The following PLA2R1 variants were observed in gnomAD, a reference collection of about 807,000 sequenced individuals.
PLA2R1 encodes the protein secretory phospholipase A2 receptor.
PLA2R1 carries 158 observed loss-of-function variants against 195.9 expected under a neutral mutation model. The ratio of observed to expected loss-of-function variants is 0.81; its 90% CI spans 0.71 to 0.92. The LOEUF is 0.92. PLA2R1 is among the 40% of genes least tolerant of loss of function. The pLI is 0.00. For missense variants in PLA2R1, 1,626 were observed against 1,764.6 expected (o/e 0.92, Z 1.41); for synonymous variants, 586 against 598.2 (o/e 0.98, Z 0.30).
At chr2:160,061,603 G>T (rs778017759) in intron 1 of PLA2R1, among the ~76,000 whole-genome samples, 2 of 152,094 alleles carry the variant, frequency 1.3e-5, no homozygotes, top group Middle Eastern at 3.4e-3. Flanking sequence ...GTGAAACTCC[G>T]TCTCCACCAA....
chr2:159,926,063 C>T, the PLA2R1 span, among the ~76,000 whole-genome samples: 8 of 152,238 alleles, frequency 5.3e-5, no homozygotes, highest in South Asian at 1.4e-3. Flanking sequence ...TTTGATCAAA[C>T]GTAAAAAGCT....
intron 11 of PLA2R1, among the ~76,000 whole-genome samples, chr2:159,987,635 G>C (rs953667098): frequency 2.0e-5 from 3 of 152,146 alleles, no homozygotes; most frequent in Non-Finnish European, 4.4e-5. Flanking sequence ...TGAGGAACTA[G>C]GAGCTATTCC....
At chr2:160,037,121 C>T (rs1440199639) in intron 3 of PLA2R1, among the ~76,000 whole-genome samples, 1 of 152,190 alleles carries the variant, frequency 6.6e-6, no homozygotes. Context: ...CCCCTTGCTG[C>T]CACCTAACTG....
chr2:160,009,284 G>A (rs1173300977), intron 10 of PLA2R1, among the ~76,000 whole-genome samples: 1 of 152,206 alleles, frequency 6.6e-6, no homozygotes, highest in East Asian at 1.9e-4. Context: ...AGTCACAATA[G>A]CCAAATGGTG....
chr2:160,042,289 G>C, intron 2 of PLA2R1, 91 bp from the exon 3 acceptor site: 1 of 1,081,606 alleles, frequency 9.2e-7, no homozygotes, highest in Non-Finnish European at 1.4e-6. Flanking sequence ...TTTATGGACT[G>C]AAACCCTCTT....
At chr2:160,041,891 T>C in intron 3 of PLA2R1, 134 bp downstream of exon 3, 1 of 671,724 alleles carries the variant, frequency 1.5e-6, no homozygotes, top group Non-Finnish European at 2.5e-6. Context: ...CAAATCAAAA[T>C]CTGTGTTAAT....
chr2:159,950,225 T>C (rs1341000245), intron 24 of PLA2R1, among the ~76,000 whole-genome samples: 1 of 152,228 alleles, frequency 6.6e-6, no homozygotes, highest in Non-Finnish European at 1.5e-5. Context: ...CATTCTGTAC[T>C]ACATGATGCA....
intron 11 of PLA2R1, among the ~76,000 whole-genome samples, chr2:159,993,102 A>T (rs555803246): frequency 6.6e-6 from 1 of 152,246 alleles, no homozygotes; most frequent in African/African-American, 2.4e-5. Context: ...ACCTCCACTT[A>T]TATTGAATCT....
chr2:159,969,681 T>C (rs1689022820), intron 18 of PLA2R1, among the ~76,000 whole-genome samples: 1 of 152,120 alleles, frequency 6.6e-6, no homozygotes, highest in African/African-American at 2.4e-5. Flanking sequence ...TAGCTGGGTC[T>C]ACAGGTGCGC....
At chr2:160,048,457 T>C (rs919147730) in intron 1 of PLA2R1, among the ~76,000 whole-genome samples, 1 of 152,236 alleles carries the variant, frequency 6.6e-6, no homozygotes, top group African/African-American at 2.4e-5. Flanking sequence ...TATAATAGAA[T>C]ATGATCCTAG....
chr2:160,062,494 G>A lies in PLA2R1; in HGVS notation c.-91C>T, dbSNP rs548607274. 3 of 1,428,272 alleles carry A rather than the reference G, an allele frequency of 2.1e-6. No individual in the cohort carries two copies. In the Admixed American group the frequency reaches 9.0e-5, roughly 43 times the overall value. 88.5% of individuals were successfully genotyped at this position (1,428,272 alleles called of 1,614,324 possible). A position where few individuals can be genotyped will look rare whatever the true frequency, so the allele number is the denominator to read the frequency against. ...CGCGTCCCAAGCACCCGGCCCCGCC[G>A]CGCGGAAGCGGATCCGTAGCCTCCT... On this transcript the variant is annotated 5_prime_UTR_variant, in exon 1 of 30. Transcript: ENST00000283243.
intron 17 of PLA2R1, among the ~76,000 whole-genome samples, chr2:159,973,835 G>A (rs559678825): frequency 2.0e-5 from 3 of 152,210 alleles, no homozygotes; most frequent in Admixed American, 1.3e-4. Flanking sequence ...CTACATCAAC[G>A]TGGTCATAGG....
intron 20 of PLA2R1, among the ~76,000 whole-genome samples, chr2:159,958,630 A>C (rs10929960): frequency 0.18 from 27,863 of 152,188 alleles, 2,868 homozygotes; most frequent in Middle Eastern, 0.42. Flanking sequence ...AAAATAAAAG[A>C]CAACAGACCC....
chr2:159,992,302 C>T (rs1047181952), intron 11 of PLA2R1, among the ~76,000 whole-genome samples: 2 of 148,864 alleles, frequency 1.3e-5, no homozygotes, highest in African/African-American at 5.0e-5. Flanking sequence ...ACCCACTAAG[C>T]AACTTCAGCA....
At chr2:160,043,925 G>A (rs1004200569) in intron 2 of PLA2R1, among the ~76,000 whole-genome samples, 1 of 152,166 alleles carries the variant, frequency 6.6e-6, no homozygotes, top group African/African-American at 2.4e-5. Context: ...AGAGCAGCAC[G>A]AGGGTAGGGG....
At chr2:160,013,721 CTGTG>C (rs71000325) in intron 9 of PLA2R1, among the ~76,000 whole-genome samples, 1,342 of 116,646 alleles carry the variant, frequency 0.012, 31 homozygotes, top group African/African-American at 0.04. Context: ...CTCTCTCTCT[CTGTG>C]TGTGTGTGTG....
intron 12 of PLA2R1, among the ~76,000 whole-genome samples, chr2:159,984,647 G>T (rs1690199148): frequency 6.6e-6 from 1 of 152,192 alleles, no homozygotes; most frequent in African/African-American, 2.4e-5. Context: ...TGAACTGGCA[G>T]TGCAGTGGTT....
At chr2:160,060,928 A>G (rs530915219) in intron 1 of PLA2R1, among the ~76,000 whole-genome samples, 1 of 152,346 alleles carries the variant, frequency 6.6e-6, no homozygotes, top group South Asian at 2.1e-4. Flanking sequence ...CATCCACAGG[A>G]GCAATTTTCT....
At position 159,976,199 on chromosome 2, in the gene PLA2R1, C is replaced by T. The variant is rs778221962; in HGVS notation, c.2464G>A (p.Ala822Thr). The change falls in exon 17 of 30, where the codon GCA becomes ACA. Residue 822 changes from alanine (A) to threonine (T), a missense_variant. Physicochemically the swap from Ala to Thr is moderately conservative, Grantham distance 58. Transcript: ENST00000283243. ...GCAAAGGTATGAAAAAGGTATTCTGCATCCTGATAAAAGAGCCAGGGTACA... is the reference window on the plus strand; with the variant it reads ...GCAAAGGTATGAAAAAGGTATTCTGTATCCTGATAAAAGAGCCAGGGTACA... Reference protein sequence around the residue: ...YDVPWLFYQDAEYLFHTFASE... With the variant: ...YDVPWLFYQDTEYLFHTFASE... 1.2e-6 allele frequency: 2 copies of T among 1,609,588 alleles called. No homozygotes were observed. The highest frequency in any genetic ancestry group is 1.7e-6 in the Non-Finnish European group (2 of 1,177,326).
Sources: allele counts gnomAD v4.1 joint callset (sites outside exome capture counted in the v4.1 genomes callset), GRCh38; gene constraint gnomAD v4.1.1; transcripts MANE v1.5; gene names NCBI Gene and HGNC (gene_info 2026-07-23, HGNC 2026-07-21).